The following MICAL2 variants were observed in gnomAD, a reference collection of about 807,000 sequenced individuals.
MICAL2 encodes microtubule associated monooxygenase, calponin and LIM domain containing 2.
A neutral mutation model predicts 127.3 loss-of-function variants in MICAL2; 77 were observed. The ratio of observed to expected loss-of-function variants is 0.60; its 90% CI spans 0.50 to 0.73. The LOEUF is 0.73. Among genes scored for constraint, MICAL2 ranks in the 30% least tolerant of loss-of-function variants. The pLI, the probability that MICAL2 is intolerant of heterozygous loss-of-function variation, is 0.00. For missense variants in MICAL2, 1,351 were observed against 1,434.4 expected (o/e 0.94, Z 0.94); for synonymous variants, 570 against 551.1 (o/e 1.03, Z -0.48).
At chr11:12,216,591 C>T (rs552649648) in intron 8 of MICAL2, among the ~76,000 whole-genome samples, 86 of 152,136 alleles carry the variant, frequency 5.7e-4, no homozygotes, top group Non-Finnish European at 5.6e-4. Context: ...TTTTCCTTCC[C>T]AAGTCTCATC....
At chr11:12,120,935 T>A (rs568981419) in intron 1 of MICAL2, among the ~76,000 whole-genome samples, 4 of 152,314 alleles carry the variant, frequency 2.6e-5, no homozygotes, top group African/African-American at 7.2e-5. Flanking sequence ...TGAGGAGGGC[T>A]GTGGGGAACA....
In MICAL2 at chr11:12,239,523, A is replaced by G. The variant is rs1859571697; in HGVS notation, c.2152A>G (p.Met718Val). 2 of 1,614,238 alleles carry G rather than the reference A, an allele frequency of 1.2e-6. No individual in the cohort carries two copies. The highest frequency in any genetic ancestry group is 4.5e-5 in the East Asian group (2 of 44,888). ...EGGNQNKVKS[M>V]ANQLLAKFEE... is the part of the protein sequence containing the mutation. ...TGGAAATCAGAACAAAGTCAAGTCCATGGCGAATCAGCTGCTGGCCAAGTT... is the reference window on the plus strand; with the variant it reads ...TGGAAATCAGAACAAAGTCAAGTCCGTGGCGAATCAGCTGCTGGCCAAGTT... Residue 718 changes from methionine (M) to valine (V), a missense_variant, in exon 17 of 28, where the codon ATG becomes GTG. By Grantham distance (21) the Met-to-Val change is conservative (BLOSUM62 1). Coordinates refer to ENST00000683283, the MANE Select transcript of MICAL2 (RefSeq NM_001282663.2).
At chr11:12,290,362 G>A (rs899279804), downstream of MICAL2, among the ~76,000 whole-genome samples, 1 of 152,144 alleles carries the variant, frequency 6.6e-6, no homozygotes, top group African/African-American at 2.4e-5. Flanking sequence ...GTTTCCTGAG[G>A]TGGCCCTGGC....
chr11:12,327,967 T>TA (rs1207935750), intron 32 of MICAL2, among the ~76,000 whole-genome samples: 1 of 152,206 alleles, frequency 6.6e-6, no homozygotes, highest in African/African-American at 2.4e-5. Flanking sequence ...TATAAACCTT[T>TA]ATACTTTTTC....
intron 26 of MICAL2, chr11:12,260,192 G>C: frequency 2.0e-6 from 3 of 1,482,476 alleles, no homozygotes; most frequent in Non-Finnish European, 2.7e-6. Flanking sequence ...CTGCCCCAAA[G>C]TGCCTTCACA....
At chr11:12,304,688 ACACAC>A (rs1565300030) in intron 29 of MICAL2, among the ~76,000 whole-genome samples, 21 of 148,452 alleles carry the variant, frequency 1.4e-4, no homozygotes, top group South Asian at 8.6e-4. Flanking sequence ...ACACACACAC[ACACAC>A]AAAACATTCT....
chr11:12,147,992 G>A (rs772536084), intron 2 of MICAL2, among the ~76,000 whole-genome samples: 4 of 152,194 alleles, frequency 2.6e-5, no homozygotes, highest in Admixed American at 6.5e-5. Context: ...ACACAGATGG[G>A]TAAGGGATGG....
At chr11:12,198,397 G>A (rs1486301222) in intron 3 of MICAL2, among the ~76,000 whole-genome samples, 1 of 152,184 alleles carries the variant, frequency 6.6e-6, no homozygotes, top group Non-Finnish European at 1.5e-5. Context: ...CTGCAGGGGT[G>A]AGGCTGTGCA....
downstream of MICAL2, chr11:12,358,803 T>A (rs1939168504): frequency 5.6e-6 from 1 of 178,016 alleles, no homozygotes; most frequent in Non-Finnish European, 1.2e-5. Context: ...GCTACTTTTA[T>A]CATTTTCCTT....
intron 2 of MICAL2, among the ~76,000 whole-genome samples, chr11:12,150,934 C>A (rs1268692950): frequency 2.0e-5 from 3 of 152,158 alleles, no homozygotes; most frequent in Non-Finnish European, 4.4e-5. Flanking sequence ...CCCCACGCAG[C>A]TTCCCGGGAA....
chr11:12,289,837 C>T (rs537415655), downstream of MICAL2, among the ~76,000 whole-genome samples: 15 of 152,234 alleles, frequency 9.9e-5, no homozygotes, highest in African/African-American at 3.6e-4. Context: ...CAAAAGTGCT[C>T]TGATTACAGG....
At chr11:12,129,479 C>A (rs1226075793) in intron 1 of MICAL2, among the ~76,000 whole-genome samples, 1 of 152,070 alleles carries the variant, frequency 6.6e-6, no homozygotes, top group African/African-American at 2.4e-5. Context: ...ACCCCCCTTC[C>A]TATCCCAGAA....
chr11:12,354,275 G>A (rs1014653050), intron 33 of MICAL2, among the ~76,000 whole-genome samples: 10 of 152,286 alleles, frequency 6.6e-5, no homozygotes, highest in African/African-American at 2.2e-4. Flanking sequence ...TCAGGAGTTC[G>A]AGACCAGCCT....
At chr11:12,162,490 T>G in intron 3 of MICAL2, 71 bp downstream of exon 3, 1 of 1,571,732 alleles carries the variant, frequency 6.4e-7, no homozygotes. Flanking sequence ...TAGGAAGCTG[T>G]TGCCATTTTG....
At chr11:12,112,425 G>A (rs532796718) in intron 1 of MICAL2, among the ~76,000 whole-genome samples, 4 of 152,226 alleles carry the variant, frequency 2.6e-5, no homozygotes, top group Non-Finnish European at 4.4e-5. Flanking sequence ...TTGGAAGGAA[G>A]CCTGCTTCTA....
chr11:12,297,675 C>T (rs1430246292), intron 29 of MICAL2, among the ~76,000 whole-genome samples: 2 of 151,992 alleles, frequency 1.3e-5, no homozygotes, highest in East Asian at 1.9e-4. Flanking sequence ...TAAGTATTTA[C>T]ATCAAGAAAT....
At chr11:12,330,900 A>AGG (rs1238311364) in intron 32 of MICAL2, among the ~76,000 whole-genome samples, 1 of 119,346 alleles carries the variant, frequency 8.4e-6, no homozygotes, top group African/African-American at 3.1e-5. Flanking sequence ...AGAGAGAGAG[A>AGG]GTGTGTGTGT....
At chr11:12,191,569 G>T (rs1261289049) in intron 3 of MICAL2, among the ~76,000 whole-genome samples, 1 of 151,720 alleles carries the variant, frequency 6.6e-6, no homozygotes, top group Non-Finnish European at 1.5e-5. Flanking sequence ...TTTGATACCA[G>T]CCTGGGTAAC....
At chr11:12,239,687 C>G in intron 17 of MICAL2, 102 bp downstream of exon 17, 1 of 1,391,278 alleles carries the variant, frequency 7.2e-7, no homozygotes, top group Non-Finnish European at 9.7e-7. Context: ...CAGGCCTGGT[C>G]CCAAGGAGAC....
Sources: gnomAD v4.1 joint callset for allele counts (sites outside exome capture counted in the v4.1 genomes callset) on GRCh38, gnomAD v4.1.1 for gene constraint, MANE v1.5 for transcripts, NCBI Gene and HGNC (gene_info 2026-07-23, HGNC 2026-07-21) for gene names.